The following RSBN1L variants were observed in gnomAD, a reference collection of about 807,000 sequenced individuals.
The protein encoded by RSBN1L is round spermatid basic protein 1 like.
A neutral mutation model predicts 67.7 loss-of-function variants in RSBN1L; 30 were observed. The observed-to-expected ratio is 0.44, with a 90% CI of 0.33 to 0.60. The LOEUF (loss-of-function observed/expected upper bound fraction) is 0.60. RSBN1L is among the 20% of genes least tolerant of loss of function. The pLI, the probability that RSBN1L is intolerant of heterozygous loss-of-function variation, is 0.02. For missense variants in RSBN1L, 992 were observed against 1,031.7 expected (o/e 0.96, Z 0.53); for synonymous variants, 433 against 387.0 (o/e 1.12, Z -1.39).
At chr7:77,752,636 AT>A (rs1562805341) in intron 3 of RSBN1L, among the ~76,000 whole-genome samples, 1 of 152,188 alleles carries the variant, frequency 6.6e-6, no homozygotes, top group South Asian at 2.1e-4. Flanking sequence ...AGTTGATTTT[AT>A]TTAGTAAACT....
chr7:77,743,400 A>G (rs1036483834), intron 2 of RSBN1L, among the ~76,000 whole-genome samples: 1 of 151,866 alleles, frequency 6.6e-6, no homozygotes, highest in Non-Finnish European at 1.5e-5. Context: ...GGAGTTTGAG[A>G]CCAGCCTGCG....
chr7:77,776,235 C>T (rs1791912811), intron 6 of RSBN1L, among the ~76,000 whole-genome samples: 1 of 111,642 alleles, frequency 9.0e-6, no homozygotes, highest in Non-Finnish European at 1.7e-5. Context: ...GTCAGTTTTT[C>T]TAGGTTTTGC....
At chr7:77,741,080 G>A (rs572866226) in intron 2 of RSBN1L, among the ~76,000 whole-genome samples, 44 of 148,590 alleles carry the variant, frequency 3.0e-4, no homozygotes, top group African/African-American at 1.1e-3. Context: ...TCTGTTTCCC[G>A]GGTTCAAGCG....
chr7:77,762,260 C>A (rs1741198105), intron 3 of RSBN1L, among the ~76,000 whole-genome samples: 1 of 151,992 alleles, frequency 6.6e-6, no homozygotes, highest in African/African-American at 2.4e-5. Context: ...AATTCAGGGT[C>A]TCTAAAAAAT....
Position 77,724,287 on chromosome 7 carries a change from CCTT to C in RSBN1L, c.587-12120_587-12118del, listed in dbSNP as rs367869732. Among the ~76,000 whole-genome samples, 953 of 151,616 alleles carry C rather than the reference CCTT, an allele frequency of 6.3e-3. 5 individuals carry two copies. The highest frequency in any genetic ancestry group is 0.037 in the Middle Eastern group (11 of 294). ...CTTTGAATTTTTTTTTCTTGTATCT[CCTT>C]CTAATATACTGAGTGATTCTAAATC... On this transcript the variant is annotated intron_variant, in intron 1 of 7. Coordinates refer to ENST00000334955, the MANE Select transcript of RSBN1L (RefSeq NM_198467.3).
chr7:77,708,585 T>C (rs531695997), intron 1 of RSBN1L, among the ~76,000 whole-genome samples: 1 of 152,148 alleles, frequency 6.6e-6, no homozygotes, highest in Non-Finnish European at 1.5e-5. Context: ...GGTTTCACGG[T>C]GTTAGCCAGG....
chr7:77,758,477 C>T (rs117705812), intron 3 of RSBN1L, among the ~76,000 whole-genome samples: 1,677 of 152,282 alleles, frequency 0.011, 12 homozygotes, highest in Non-Finnish European at 0.017. Context: ...AAGCATTTAT[C>T]CTTTGAGTTA....
chr7:77,747,580 C>T (rs1791501420), intron 2 of RSBN1L, among the ~76,000 whole-genome samples: 1 of 152,230 alleles, frequency 6.6e-6, no homozygotes, highest in East Asian at 1.9e-4. Flanking sequence ...GGTATTAAGC[C>T]TGCCAGTACA....
intron 1 of RSBN1L, among the ~76,000 whole-genome samples, chr7:77,733,114 C>G (rs1157444369): frequency 6.6e-6 from 1 of 151,936 alleles, no homozygotes; most frequent in Non-Finnish European, 1.5e-5. Context: ...AGCAACATAG[C>G]GAGACCCTGT....
chr7:77,740,891 G>A (rs1047569544), intron 2 of RSBN1L, among the ~76,000 whole-genome samples: 8 of 151,410 alleles, frequency 5.3e-5, no homozygotes, highest in African/African-American at 1.5e-4. Context: ...CTCTATACAC[G>A]TGTGTATCTG....
intron 1 of RSBN1L, among the ~76,000 whole-genome samples, chr7:77,712,020 A>C (rs1461993289): frequency 6.6e-6 from 1 of 151,612 alleles, no homozygotes; most frequent in African/African-American, 2.4e-5. Context: ...AAATACTGAA[A>C]GTTCTTTGTA....
chr7:77,753,176 T>C (rs1294350747), intron 3 of RSBN1L, among the ~76,000 whole-genome samples: 1 of 152,232 alleles, frequency 6.6e-6, no homozygotes, highest in Non-Finnish European at 1.5e-5. Context: ...AAGATTAGGA[T>C]TTCAGGATCA....
chr7:77,707,065 C>T (rs2150412310), intron 1 of RSBN1L, among the ~76,000 whole-genome samples: 1 of 150,764 alleles, frequency 6.6e-6, no homozygotes, highest in Non-Finnish European at 1.5e-5. Context: ...ACTCTGTCAC[C>T]CAGGCTGGAG....
At position 77,781,911 on chromosome 7, in the gene RSBN1L, G is replaced by C. The variant is rs188988019; in HGVS notation, c.*2743G>C. ...GAGGCAGGGGAATTGCTTGAACCCGGGAGGAGAAGGTTGCAGTGAGCCGAG... is the reference window on the plus strand; with the variant it reads ...GAGGCAGGGGAATTGCTTGAACCCGCGAGGAGAAGGTTGCAGTGAGCCGAG... On this transcript the variant is annotated 3_prime_UTR_variant, in exon 8 of 8. Coordinates refer to ENST00000334955, the MANE Select transcript of RSBN1L (RefSeq NM_198467.3). 3.9e-4 allele frequency: 59 copies of C among 150,628 alleles called. No individual in the cohort carries two copies. The highest frequency in any genetic ancestry group is 1.4e-3 in the African/African-American group (56 of 40,774). 9.3% of individuals were successfully genotyped at this position (150,628 alleles called of 1,614,324 possible).
chr7:77,741,755 T>C (rs950371705), intron 2 of RSBN1L, among the ~76,000 whole-genome samples: 4 of 151,858 alleles, frequency 2.6e-5, no homozygotes, highest in African/African-American at 7.3e-5. Context: ...TACTCTTTAG[T>C]GTAGGAGAAG....
At chr7:77,742,592 C>T (rs908032475) in intron 2 of RSBN1L, among the ~76,000 whole-genome samples, 1 of 151,958 alleles carries the variant, frequency 6.6e-6, no homozygotes. Flanking sequence ...AATCCCAGCA[C>T]TTTGGGAGGC....
chr7:77,755,437 G>T (rs761535105), intron 3 of RSBN1L, among the ~76,000 whole-genome samples: 9 of 152,170 alleles, frequency 5.9e-5, no homozygotes, highest in Non-Finnish European at 8.8e-5. Flanking sequence ...GGCCGAGGCA[G>T]TCGGATCACC....
rs1303120807 is a variant in RSBN1L at position 77,768,093 on chromosome 7, G to GA, written c.1483-567dup. ...CGATATCTTGATATCTTGACCTTGT[G>GA]ATCCGCCCGCCTCGGCCTCCCAAAG... On this transcript the variant is annotated intron_variant, in intron 4 of 7. Coordinates refer to ENST00000334955, the MANE Select transcript of RSBN1L (RefSeq NM_198467.3). Among the ~76,000 whole-genome samples, 17 of 151,080 alleles carry GA rather than the reference G, an allele frequency of 1.1e-4. 1 individual carries two copies. In the South Asian group the frequency reaches 3.6e-3, roughly 32 times the overall value.
intron 1 of RSBN1L, among the ~76,000 whole-genome samples, chr7:77,724,777 A>G (rs989701769): frequency 5.3e-5 from 8 of 151,700 alleles, no homozygotes; most frequent in African/African-American, 1.9e-4. Flanking sequence ...AGTAAATGAA[A>G]TAAAAACCAG....
Sources: gnomAD v4.1 joint callset for allele counts (sites outside exome capture counted in the v4.1 genomes callset) on GRCh38, gnomAD v4.1.1 for gene constraint, MANE v1.5 for transcripts, NCBI Gene and HGNC (gene_info 2026-07-23, HGNC 2026-07-21) for gene names.